The following RAP1A variants were observed in gnomAD, a reference collection of about 807,000 sequenced individuals.
The protein encoded by RAP1A is RAP1A, member of RAS oncogene family.
Under a neutral mutation model 26.4 loss-of-function variants are expected in RAP1A, and 6 were observed. That is an observed-to-expected ratio of 0.23 (90% confidence interval 0.12 to 0.45). The LOEUF is 0.45. Ranked by LOEUF, RAP1A falls within the 20% of genes least tolerant of loss-of-function variation. The pLI is 0.99. For synonymous variants in RAP1A, 73 were observed against 79.4 expected (o/e 0.92, Z 0.43); for missense variants, 121 against 217.2 (o/e 0.56, Z 2.78).
chr1:111,604,814 G>A (rs1348252755), intron 1 of RAP1A: 1 of 152,194 alleles, frequency 6.6e-6, no homozygotes, highest in African/African-American at 2.4e-5. Flanking sequence ...AATGTGCTTT[G>A]AAGCCTGGGG....
chr1:111,651,923 T>C (rs1363434364), intron 1 of RAP1A, among the ~76,000 whole-genome samples: 6 of 149,726 alleles, frequency 4.0e-5, no homozygotes, highest in Non-Finnish European at 8.9e-5. Context: ...CAAATATATG[T>C]ATTTTTTAAT....
intron 1 of RAP1A, among the ~76,000 whole-genome samples, chr1:111,571,283 G>A (rs752819842): frequency 1.3e-4 from 20 of 152,208 alleles, no homozygotes; most frequent in Non-Finnish European, 2.4e-4. Flanking sequence ...GGTGCACCCT[G>A]TCCCAGCCCA....
At chr1:111,567,183 C>T (rs1657938243) in intron 1 of RAP1A, among the ~76,000 whole-genome samples, 1 of 152,106 alleles carries the variant, frequency 6.6e-6, no homozygotes, top group African/African-American at 2.4e-5. Flanking sequence ...TGTAGAACTA[C>T]ATTATGAATG....
At chr1:111,547,689 A>G (rs965519078) in intron 1 of RAP1A, among the ~76,000 whole-genome samples, 3 of 152,228 alleles carry the variant, frequency 2.0e-5, no homozygotes, top group African/African-American at 7.2e-5. Flanking sequence ...TATAGGAAGA[A>G]GTCAGAAGGA....
intron 1 of RAP1A, among the ~76,000 whole-genome samples, chr1:111,635,436 A>G (rs1342569247): frequency 6.6e-6 from 1 of 152,228 alleles, no homozygotes; most frequent in Non-Finnish European, 1.5e-5. Flanking sequence ...CTCATCTGTC[A>G]GTGGAGAAAG....
chr1:111,681,117 A>G (rs1043467118), intron 1 of RAP1A, among the ~76,000 whole-genome samples: 4 of 152,088 alleles, frequency 2.6e-5, no homozygotes, highest in East Asian at 3.9e-4. Context: ...TGGTGCATTT[A>G]TAATGGTTGG....
chr1:111,663,776 ATTG>A (rs1205259877), intron 1 of RAP1A, among the ~76,000 whole-genome samples: 1 of 152,002 alleles, frequency 6.6e-6, no homozygotes, highest in Non-Finnish European at 1.5e-5. Flanking sequence ...TTTTCCAACT[ATTG>A]TTCTGAGCAC....
chr1:111,635,419 C>T (rs1659698451), intron 1 of RAP1A, among the ~76,000 whole-genome samples: 2 of 152,216 alleles, frequency 1.3e-5, no homozygotes, highest in African/African-American at 4.8e-5. Flanking sequence ...CAGTTTTTCT[C>T]AGTTTTCTCA....
At position 111,715,742 on chromosome 1, in the gene RAP1A, T is replaced by C. The variant is rs1230888993; in HGVS notation, c.*3341T>C. 35 of 152,250 alleles carry C rather than the reference T, an allele frequency of 2.3e-4. No individual in the cohort carries two copies. The highest frequency in any genetic ancestry group is 2.0e-3 in the Admixed American group (31 of 15,288). The allele number at this position is 152,250 out of a possible 1,614,324, so 9.4% of individuals were successfully genotyped here. A position where few individuals can be genotyped will look rare whatever the true frequency, so the allele number is the denominator to read the frequency against. ...ATGTACTTGGAAAAGTTAATACTTA[T>C]AGAAAATAATGATCTTTATTACCAA... On this transcript the variant is annotated 3_prime_UTR_variant, in exon 8 of 8. Transcript: ENST00000369709.
intron 6 of RAP1A, among the ~76,000 whole-genome samples, chr1:111,704,772 G>T (rs908863124): frequency 6.6e-6 from 1 of 152,180 alleles, no homozygotes; most frequent in African/African-American, 2.4e-5. Context: ...ATAAAGTGGT[G>T]TGTAAAAATT....
At chr1:111,561,884 A>G (rs1056595337) in intron 1 of RAP1A, among the ~76,000 whole-genome samples, 3 of 151,822 alleles carry the variant, frequency 2.0e-5, no homozygotes, top group African/African-American at 7.3e-5. Flanking sequence ...TTTGGCCCGG[A>G]CTTTTTCAAC....
chr1:111,583,348 T>C (rs1161768906), intron 1 of RAP1A, among the ~76,000 whole-genome samples: 4 of 150,606 alleles, frequency 2.7e-5, no homozygotes, highest in Non-Finnish European at 5.9e-5. Context: ...TTCACATCAG[T>C]AATCCCAGTG....
At chr1:111,657,498 T>C (rs1660499578) in intron 1 of RAP1A, among the ~76,000 whole-genome samples, 1 of 152,206 alleles carries the variant, frequency 6.6e-6, no homozygotes, top group Non-Finnish European at 1.5e-5. Context: ...TTTTGTTGCC[T>C]GTGCTTTTGG....
intron 1 of RAP1A, among the ~76,000 whole-genome samples, chr1:111,611,774 A>G (rs1192460116): frequency 6.6e-6 from 1 of 152,202 alleles, no homozygotes; most frequent in African/African-American, 2.4e-5. Context: ...GTTTAACCAC[A>G]CTTAGGGTTG....
At chr1:111,548,168 G>A (rs1423397900) in intron 1 of RAP1A, among the ~76,000 whole-genome samples, 1 of 152,158 alleles carries the variant, frequency 6.6e-6, no homozygotes, top group Non-Finnish European at 1.5e-5. Context: ...CTACAGGCAT[G>A]TGCCACCACA....
At chr1:111,649,246 T>C (rs1660179697) in intron 1 of RAP1A, 1 of 479,100 alleles carries the variant, frequency 2.1e-6, no homozygotes, top group Admixed American at 2.3e-5. Flanking sequence ...TGCTCCTGGA[T>C]TTTGCTCTCC....
At chr1:111,556,767 G>A (rs1657507333) in intron 1 of RAP1A, among the ~76,000 whole-genome samples, 1 of 152,116 alleles carries the variant, frequency 6.6e-6, no homozygotes, top group African/African-American at 2.4e-5. Context: ...TGTTTAATGG[G>A]TATAAAGCTT....
chr1:111,655,658 CTTTTTTTT>C (rs34266778), intron 1 of RAP1A, among the ~76,000 whole-genome samples: 15,583 of 85,184 alleles, frequency 0.18, 1,340 homozygotes, highest in South Asian at 0.3. Flanking sequence ...TGTTCATAGT[CTTTTTTTT>C]TTTTTTTTTT....
At chr1:111,563,896 G>A (rs914128216) in intron 1 of RAP1A, 14 of 1,613,698 alleles carry the variant, frequency 8.7e-6, no homozygotes, top group African/African-American at 6.7e-5. Context: ...GCTCTTCCCA[G>A]GAGCTTTCCC....
Sources: gnomAD v4.1 joint callset for allele counts (sites outside exome capture counted in the v4.1 genomes callset) on GRCh38, gnomAD v4.1.1 for gene constraint, MANE v1.5 for transcripts, NCBI Gene and HGNC (gene_info 2026-07-23, HGNC 2026-07-21) for gene names.